Variants in LDB3 observed in about 807,000 individuals in gnomAD.
LDB3 encodes LIM domain binding 3, also known as LIM domain-binding protein 3.
LDB3 carries 49 observed loss-of-function variants against 69.0 expected under a neutral mutation model. The observed-to-expected ratio is 0.71, with a 90% CI of 0.56 to 0.90. The LOEUF is 0.90. LDB3 is among the 40% of genes least tolerant of loss of function. The pLI, the probability that LDB3 is intolerant of heterozygous loss-of-function variation, is 0.00. For synonymous variants in LDB3, 387 were observed against 396.2 expected, an observed-to-expected ratio of 0.98 and a Z score of 0.28; for missense variants, 928 against 974.1, an observed-to-expected ratio of 0.95 and a Z score of 0.63.
chr10:86,692,033 G>T lies in LDB3; in HGVS notation c.827G>T (p.Arg276Leu), dbSNP rs774519585. ...TCCAACCTGCAGTCTCGCTCCTTCC[G>T]CATCCTGGCCCAGATGACGGGGACA... is the stretch of plus-strand genomic sequence containing the variant. Reference protein sequence around the residue: ...RSSNLQSRSFRILAQMTGTEF... With the variant: ...RSSNLQSRSFLILAQMTGTEF... Residue 276 changes from arginine (R) to leucine (L), a missense_variant, in exon 6 of 14, where the codon CGC becomes CTC. Coordinates refer to ENST00000361373, the MANE Select transcript of LDB3 (RefSeq NM_007078.3). 1 of 1,614,014 alleles carries T rather than the reference G, an allele frequency of 6.2e-7. No individual in the cohort carries two copies. Among genetic ancestry groups the T allele is most frequent in the Non-Finnish European group, 8.5e-7 (1 of 1,180,054 alleles).
intron 5 of LDB3, among the ~76,000 whole-genome samples, chr10:86,688,485 T>C (rs1198430314): frequency 6.6e-6 from 1 of 152,196 alleles, no homozygotes; most frequent in East Asian, 1.9e-4. Context: ...GTACTTCCTC[T>C]AGGCCACCAG....
intron 5 of LDB3, chr10:86,685,759 C>T (rs375771818): frequency 2.7e-5 from 43 of 1,592,192 alleles, no homozygotes; most frequent in Middle Eastern, 1.7e-4. Context: ...CATGTGTCTG[C>T]GTGTGTCTGG....
At chr10:86,732,003 C>CTTTTTTTTTTTTTTTTTTTTTT (rs755552822) in intron 13 of LDB3, among the ~76,000 whole-genome samples, 2 of 123,220 alleles carry the variant, frequency 1.6e-5, no homozygotes, top group African/African-American at 3.2e-5. Flanking sequence ...TTCTTTCTTT[C>CTTTTTTTTTTTTTTTTTTTTTT]TTTTTCTTTT....
intron 12 of LDB3, among the ~76,000 whole-genome samples, chr10:86,720,662 C>T (rs938430669): frequency 2.0e-5 from 3 of 152,168 alleles, no homozygotes; most frequent in Admixed American, 6.5e-5. Context: ...GCTTATACAA[C>T]TTGCTGTTAT....
intron 7 of LDB3, among the ~76,000 whole-genome samples, chr10:86,693,871 T>G (rs1173473962): frequency 6.6e-6 from 1 of 152,198 alleles, no homozygotes; most frequent in Non-Finnish European, 1.5e-5. Flanking sequence ...AATGCAGATG[T>G]TCCCAAACAT....
At position 86,706,587 on chromosome 10, in the gene LDB3, C is replaced by T; in HGVS notation, c.953C>T (p.Pro318Leu). ...AGCCAGGCCACCACCCCGCTGCTGC[C>T]CGCTTCTGCCCAGCCACCTGCTGCT... is the stretch of plus-strand genomic sequence containing the variant. ...CTSQATTPLL[P>L]ASAQPPAAAS... The change falls in exon 8 of 14, where the codon CCC becomes CTC. Residue 318 changes from proline (P) to leucine (L), a missense_variant. Coordinates refer to ENST00000361373, the MANE Select transcript of LDB3 (RefSeq NM_007078.3). 1 of 1,613,200 alleles carries T rather than the reference C, an allele frequency of 6.2e-7. No individual in the cohort carries two copies. The highest frequency in any genetic ancestry group is 8.5e-7 in the Non-Finnish European group (1 of 1,179,962).
intron 9 of LDB3, among the ~76,000 whole-genome samples, chr10:86,712,846 G>A (rs1345478692): frequency 6.6e-6 from 1 of 152,168 alleles, no homozygotes; most frequent in Non-Finnish European, 1.5e-5. Flanking sequence ...GGATCATAAG[G>A]TCAGAAGATC....
rs1187941597 is a variant in LDB3 at position 86,716,322 on chromosome 10, T to G, written c.1232-5T>G. 1.2e-6 allele frequency: 2 copies of G among 1,611,784 alleles called. No individual in the cohort carries two copies. The highest frequency in any genetic ancestry group is 4.5e-5 in the East Asian group (2 of 44,874). ...CTTTCTTTGGGTTTTTTTTGGCTTT[T>G]GCAGTGCCTGCATCTACCTACAGCC... On this transcript the variant is annotated splice_region_variant and splice_polypyrimidine_tract_variant and intron_variant, in intron 9 of 13. Transcript: ENST00000361373.
chr10:86,711,423 A>G (rs2132469825), intron 9 of LDB3, among the ~76,000 whole-genome samples: 1 of 151,916 alleles, frequency 6.6e-6, no homozygotes, highest in African/African-American at 2.4e-5. Flanking sequence ...GCCTAGGGGG[A>G]AAGAGGCGGC....
Position 86,732,912 on chromosome 10 carries a change from A to C in LDB3, c.2120A>C (p.Gln707Pro), listed in dbSNP as rs1349503745. The change falls in exon 14 of 14, where the codon CAG (glutamine) becomes CCG (proline). Residue 707 changes from glutamine to proline, a missense_variant. Transcript: ENST00000361373. ...CAVCHVNLEG[Q>P]PFYSKKDRPL... ...GTCTGCCATGTGAATCTGGAGGGGC[A>C]GCCGTTCTACTCCAAGAAGGACAGA... 1.2e-6 allele frequency: 2 copies of C among 1,613,928 alleles called. No homozygotes were observed. Among genetic ancestry groups the C allele is most frequent in the South Asian group, 1.1e-5 (1 of 91,002 alleles).
At chr10:86,685,200 C>T (rs1375121250) in intron 5 of LDB3, among the ~76,000 whole-genome samples, 1 of 152,210 alleles carries the variant, frequency 6.6e-6, no homozygotes, top group Non-Finnish European at 1.5e-5. Flanking sequence ...GCAATGCCTG[C>T]TCAGGACAGA....
intron 13 of LDB3, among the ~76,000 whole-genome samples, chr10:86,731,154 C>CA (rs1218613739): frequency 3.0e-3 from 274 of 92,434 alleles, no homozygotes; most frequent in Middle Eastern, 0.012. Flanking sequence ...GACTCCATCT[C>CA]AAAAAAAAAA....
rs1270912651 is a variant in LDB3, at chr10:86,699,063, C to T, written c.896+6492C>T. Among the ~76,000 whole-genome samples the T allele has an allele frequency of 6.6e-6, 1 of 151,958 alleles. No homozygotes were observed. Among genetic ancestry groups the T allele is most frequent in the East Asian group, 1.9e-4 (1 of 5,134 alleles). On this transcript the variant is annotated intron_variant, in intron 7 of 13. Transcript: ENST00000361373. This position sits in a 1 kb window ranked among gnomAD's most constrained non-coding sequence, Gnocchi z 4.9. ...CTGGTCCCCAAGACTCTCGGTCTTC[C>T]CCTAACCCAGGCCTGACCTGGGTTA...
At chr10:86,675,185 T>TC (rs35348533) in intron 2 of LDB3, among the ~76,000 whole-genome samples, 37,375 of 151,620 alleles carry the variant, frequency 0.25, 5,467 homozygotes, top group South Asian at 0.42. Flanking sequence ...GGAGCAAGCA[T>TC]CCCCCCGGCC....
intron 5 of LDB3, among the ~76,000 whole-genome samples, chr10:86,689,460 T>G (rs1010053228): frequency 2.0e-5 from 3 of 152,218 alleles, no homozygotes; most frequent in Non-Finnish European, 4.4e-5. Context: ...TACTTGTCTC[T>G]TGGGGTTTGT....
intron 7 of LDB3, among the ~76,000 whole-genome samples, chr10:86,696,032 G>A (rs150755166): frequency 1.4e-4 from 21 of 152,264 alleles, no homozygotes; most frequent in African/African-American, 5.1e-4. Context: ...GGAGCTGAAG[G>A]TGCATCACAT....
chr10:86,704,488 C>G (rs1164920314), intron 7 of LDB3, among the ~76,000 whole-genome samples: 1 of 151,212 alleles, frequency 6.6e-6, no homozygotes, highest in African/African-American at 2.4e-5. Flanking sequence ...TGCATGATCT[C>G]GGCTCACCGC....
intron 5 of LDB3, chr10:86,687,367 G>A (rs977651457): frequency 2.8e-5 from 35 of 1,249,162 alleles, no homozygotes; most frequent in Admixed American, 1.6e-4. Flanking sequence ...CTTCCCTCAC[G>A]TTGGACCTCC....
rs139834701 is a variant in LDB3 at position 86,716,358 on chromosome 10, G to A, written c.1263G>A (p.Gly421=). The A allele has an allele frequency of 6.6e-4, 1,057 of 1,610,140 alleles. 8 individuals are homozygous for A. The African/African-American group carries it at 0.013, about 20-fold the overall frequency. ...VPASTYSPSP[G]ANYSPTPYTP... is the part of the protein sequence containing the mutation. The stretch of plus-strand genomic sequence containing the variant: ...CATCTACCTACAGCCCGTCCCCAGG[G>A]GCCAATTACAGTCCCACTCCCTACA... The change falls in exon 10 of 14, where the codon GGG becomes GGA. Residue 421 remains glycine, a synonymous_variant. Coordinates refer to ENST00000361373, the MANE Select transcript of LDB3 (RefSeq NM_007078.3).
Sources: gnomAD v4.1 joint callset for allele counts (sites outside exome capture counted in the v4.1 genomes callset) on GRCh38, gnomAD v4.1.1 for gene constraint, Gnocchi (gnomAD v3.1) non-coding constraint, MANE v1.5 for transcripts, NCBI Gene and HGNC (gene_info 2026-07-23, HGNC 2026-07-21) for gene names.